The following TAFAZZIN variants were observed in gnomAD, a reference collection of about 807,000 sequenced individuals.
The protein encoded by TAFAZZIN is protein G4.5.
Under a neutral mutation model 27.3 loss-of-function variants are expected in TAFAZZIN, and 6 were observed. The observed-to-expected ratio is 0.22, with a 90% CI of 0.12 to 0.43. The LOEUF (loss-of-function observed/expected upper bound fraction) is 0.43, where lower values mean the gene tolerates loss of function less well. Ranked by LOEUF, TAFAZZIN falls within the 20% of genes least tolerant of loss-of-function variation. The probability of loss-of-function intolerance (pLI) is 1.00; values close to 1 mark genes in which losing one functional copy is unlikely to be tolerated. For missense variants in TAFAZZIN, 127 were observed against 244.5 expected (o/e 0.52, Z 3.21); for synonymous variants, 79 against 96.2 (o/e 0.82, Z 1.04).
chrX:154,413,273 C>G, intron 3 of TAFAZZIN, 21 bp downstream of exon 3: 1 of 1,209,896 alleles, frequency 8.3e-7, no homozygotes, highest in Non-Finnish European at 1.1e-6. Context: ...ATGGGCCCCT[C>G]GAAGTGGGCC....
chrX:154,415,470 AGGTAGATAGATAGATAGGTAGGTG>A (rs2068457148), intron 5 of TAFAZZIN, among the ~76,000 whole-genome samples: 1 of 111,527 alleles, frequency 9.0e-6, no homozygotes, highest in South Asian at 3.7e-4. Flanking sequence ...GTAGGTAGGT[AGGTAGATAGATAGATAGGTAGGTG>A]GGTAGGTAGG....
intron 2 of TAFAZZIN, chrX:154,412,484 A>G: frequency 5.2e-6 from 2 of 387,161 alleles, no homozygotes; most frequent in South Asian, 8.5e-5. Flanking sequence ...GGCCTCCAGA[A>G]CCCTCTGTTC....
At chrX:154,414,608 C>T (rs1289792175) in intron 5 of TAFAZZIN, among the ~76,000 whole-genome samples, 1 of 107,192 alleles carries the variant, frequency 9.3e-6, no homozygotes, top group East Asian at 2.9e-4. Context: ...AGGAGAATGG[C>T]GTGAACCCGG....
intron 5 of TAFAZZIN, among the ~76,000 whole-genome samples, chrX:154,416,389 C>T (rs782470695): frequency 9.2e-6 from 1 of 108,944 alleles, no homozygotes; most frequent in South Asian, 4.0e-4. Context: ...GAGCAGAGAT[C>T]GCGCCACTGC....
chrX:154,412,895 T>A, intron 2 of TAFAZZIN: 1 of 374,820 alleles, frequency 2.7e-6, no homozygotes, highest in Non-Finnish European at 4.7e-6. Flanking sequence ...GAAGGAGGAC[T>A]TGGAGCCATC....
intron 2 of TAFAZZIN, chrX:154,412,921 G>A: frequency 2.5e-6 from 1 of 404,383 alleles, no homozygotes; most frequent in Non-Finnish European, 4.4e-6. Context: ...GCCTAGACTG[G>A]GCTGGTTGCA....
In TAFAZZIN at chrX:154,412,207, T is replaced by C. The variant is rs782223969; in HGVS notation, c.231T>C (p.His77=). 5.6e-5 allele frequency: 67 copies of C among 1,196,493 alleles called. No individual in the cohort carries two copies. Among genetic ancestry groups the C allele is most frequent in the Non-Finnish European group, 7.4e-5 (66 of 887,483 alleles). ...ACCAGTCCTGCATGGACGACCCTCA[T>C]CTCTGGGGTACCCGGGCCAGTGTGC... is the stretch of plus-strand genomic sequence containing the variant. ...SNHQSCMDDP[H]LWGILKLRHI... is the part of the protein sequence containing the mutation. The change falls in exon 2 of 11, where the codon CAT becomes CAC. Residue 77 remains histidine (H), a synonymous_variant. Coordinates refer to ENST00000601016, the MANE Select transcript of TAFAZZIN (RefSeq NM_000116.5).
At position 154,419,633 on chromosome X, in the gene TAFAZZIN, G is replaced by A. The variant is rs1396794207; in HGVS notation, c.541+10G>A. The A allele has an allele frequency of 8.3e-7, 1 of 1,210,813 alleles. No homozygotes were observed. The highest frequency in any genetic ancestry group is 1.7e-5 in the African/African-American group (1 of 57,474). ...CATATCTTCCCAGAAGGTCAGCAGG[G>A]CTGACTGGGTCGAGCCCCCCCAGTA... On this transcript the variant is annotated intron_variant, in intron 6 of 10. Coordinates refer to ENST00000601016, the MANE Select transcript of TAFAZZIN (RefSeq NM_000116.5).
At chrX:154,416,664 G>A (rs1439792871) in intron 5 of TAFAZZIN, among the ~76,000 whole-genome samples, 1 of 111,481 alleles carries the variant, frequency 9.0e-6, no homozygotes, top group African/African-American at 3.3e-5. Context: ...AGAACTCAAA[G>A]ATGACACCAG....
rs727504330 is a variant in TAFAZZIN at position 154,411,827 on chromosome X, C to T, written c.-17C>T. 3.4e-6 allele frequency: 4 copies of T among 1,169,612 alleles called. No individual in the cohort carries two copies. The highest frequency in any genetic ancestry group is 4.6e-6 in the Non-Finnish European group (4 of 878,064). Reference sequence around the variant, plus strand: ...CGGCCCGGGGCGCTGGGAGCGCCGGCCGCGGGCCGGGTGGGGATGCCTCTG... The same window carrying T: ...CGGCCCGGGGCGCTGGGAGCGCCGGTCGCGGGCCGGGTGGGGATGCCTCTG... On this transcript the variant is annotated 5_prime_UTR_variant, in exon 1 of 11. Coordinates refer to ENST00000601016, the MANE Select transcript of TAFAZZIN (RefSeq NM_000116.5).
At position 154,421,625 on chromosome X, in the gene TAFAZZIN, TCTC is replaced by T. The variant is rs1318331580; in HGVS notation, c.*623_*625del. 3.0e-5 allele frequency: 10 copies of T among 328,883 alleles called. No individual in the cohort carries two copies. The highest frequency in any genetic ancestry group is 5.3e-5 in the Non-Finnish European group (9 of 169,904). The allele number at this position is 328,883 out of a possible 1,213,427, so 27.1% of individuals were successfully genotyped here. On this transcript the variant is annotated 3_prime_UTR_variant, in exon 11 of 11. Coordinates refer to ENST00000601016, the MANE Select transcript of TAFAZZIN (RefSeq NM_000116.5). Reference sequence around the variant, plus strand: ...TGCCCCCATGCTGGCGCCAACAACTTCTCCATCCTTTCTGCCTCTCAACATCAC... The same window carrying T: ...TGCCCCCATGCTGGCGCCAACAACTTCATCCTTTCTGCCTCTCAACATCAC...
At chrX:154,417,673 A>G (rs2090796211) in intron 5 of TAFAZZIN, among the ~76,000 whole-genome samples, 1 of 111,795 alleles carries the variant, frequency 8.9e-6, no homozygotes, top group South Asian at 3.7e-4. Flanking sequence ...CCCTAGCCCC[A>G]CTCCTCAGAA....
At chrX:154,417,503 A>C (rs138096034) in intron 5 of TAFAZZIN, among the ~76,000 whole-genome samples, 1,295 of 113,074 alleles carry the variant, frequency 0.011, 19 homozygotes, top group African/African-American at 0.039. Context: ...AGTTTGGAGG[A>C]AAAAGAGACA....
Position 154,420,946 on chromosome X carries a change from T to C in TAFAZZIN, c.821T>C (p.Phe274Ser). The change falls in exon 11 of 11, where the codon TTC becomes TCC. Residue 274 changes from phenylalanine (F) to serine (S), a missense_variant. This residue lies in a region of TAFAZZIN where 31 missense variants were observed against 39.6 expected (regional missense o/e 0.78). Coordinates refer to ENST00000601016, the MANE Select transcript of TAFAZZIN (RefSeq NM_000116.5). ...KALTDFIQEE[F>S]QHLKTQAEQL... ...CTGACGGACTTCATTCAAGAGGAAT[T>C]CCAGCATCTGAAGACTCAGGCAGAG... is the stretch of plus-strand genomic sequence containing the variant. 1.7e-6 allele frequency: 2 copies of C among 1,211,563 alleles called. No individual in the cohort carries two copies. The highest frequency in any genetic ancestry group is 2.2e-6 in the Non-Finnish European group (2 of 895,406).
chrX:154,413,345 G>T, intron 3 of TAFAZZIN, 93 bp downstream of exon 3: 1 of 1,206,656 alleles, frequency 8.3e-7, no homozygotes, highest in South Asian at 1.8e-5. Flanking sequence ...AGGAGGTGGC[G>T]TCCAGCAGTC....
intron 2 of TAFAZZIN, 157 bp from the exon 3 acceptor site, chrX:154,413,050 G>A: frequency 1.5e-6 from 1 of 686,355 alleles, no homozygotes; most frequent in Non-Finnish European, 2.3e-6. Flanking sequence ...AGGAGCCAGG[G>A]AGAACTGAAT....
chrX:154,417,715 G>A (rs985828532), intron 5 of TAFAZZIN, among the ~76,000 whole-genome samples: 1 of 111,800 alleles, frequency 8.9e-6, no homozygotes, highest in African/African-American at 3.2e-5. Flanking sequence ...TCTTTCTGCT[G>A]CTTTTGGAGG....
rs375743043 is a variant in TAFAZZIN, at chrX:154,420,867, C to T, written c.778-36C>T. On this transcript the variant is annotated intron_variant, in intron 10 of 10. Coordinates refer to ENST00000601016, the MANE Select transcript of TAFAZZIN (RefSeq NM_000116.5). ...CCCAGGGCACCTTGGCCAAGCTTCC[C>T]GAGGGGTGCAGGCCATCCCTGGTCC... is the stretch of plus-strand genomic sequence containing the variant. 21 of 1,197,218 alleles carry T rather than the reference C, an allele frequency of 1.8e-5. No homozygotes were observed. In the Middle Eastern group the frequency reaches 7.2e-4, roughly 41 times the overall value.
intron 5 of TAFAZZIN, 69 bp downstream of exon 5, chrX:154,414,259 C>A: frequency 2.1e-6 from 2 of 951,202 alleles, no homozygotes; most frequent in South Asian, 2.0e-5. Flanking sequence ...GAGGATCACT[C>A]AAGCCCAGGA....
Sources: gnomAD v4.1 joint callset for allele counts (sites outside exome capture counted in the v4.1 genomes callset) on GRCh38, gnomAD v4.1.1 for gene constraint, gnomAD v4.1.1 regional missense constraint, MANE v1.5 for transcripts, NCBI Gene and HGNC (gene_info 2026-07-23, HGNC 2026-07-21) for gene names.